The following ZNF629 variants were observed in gnomAD, a reference collection of about 807,000 sequenced individuals.
ZNF629 encodes DNA-binding protein.
Under a neutral mutation model 59.7 loss-of-function variants are expected in ZNF629, and 9 were observed. The observed-to-expected ratio is 0.15, with a 90% CI of 0.09 to 0.26. The LOEUF (loss-of-function observed/expected upper bound fraction) is 0.26, where lower values mean the gene tolerates loss of function less well. Ranked by LOEUF, ZNF629 falls within the 10% of genes least tolerant of loss-of-function variation. ZNF629 has a pLI of 1.00. For synonymous variants in ZNF629, 509 were observed against 498.9 expected (o/e 1.02, Z -0.27); for missense variants, 853 against 1,165.4 (o/e 0.73, Z 3.90).
Position 30,786,317 on chromosome 16 carries a change from C to T in ZNF629, c.-34+711G>A, listed in dbSNP as rs1014801563. Among the ~76,000 whole-genome samples, 5 of 152,154 alleles carry T rather than the reference C, an allele frequency of 3.3e-5. No individual in the cohort carries two copies. Among genetic ancestry groups the T allele is most frequent in the Admixed American group, 2.6e-4 (4 of 15,278 alleles). On this transcript the variant is annotated intron_variant, in intron 1 of 2. Coordinates refer to ENST00000262525, the MANE Select transcript of ZNF629 (RefSeq NM_001080417.3). The surrounding 1 kb of genome is among the most constrained non-coding windows in gnomAD (Gnocchi z 4.8). ...CCTGATGTCCGGTCCGGGAAGGATG[C>T]CCTGCTGTGTTTGCTCGGGACAGGT...
rs982324424 is a variant in ZNF629 at position 30,786,830 on chromosome 16, C to G, written c.-34+198G>C. Among the ~76,000 whole-genome samples, 15 of 152,006 alleles carry G rather than the reference C, an allele frequency of 9.9e-5. No individual in the cohort carries two copies. The highest frequency in any genetic ancestry group is 3.4e-4 in the African/African-American group (14 of 41,422). On this transcript the variant is annotated intron_variant, in intron 1 of 2. Transcript: ENST00000262525. The surrounding 1 kb of genome is among the most constrained non-coding windows in gnomAD (Gnocchi z 4.8). ...CCAGAATCCCCAGGCTCCCCTCCCC[C>G]GCCACCGACCCCCGCGCTTCCCAGA... is the stretch of plus-strand genomic sequence containing the variant.
In ZNF629 at chr16:30,781,569, TA is replaced by T; in HGVS notation, c.*148del. On this transcript the variant is annotated 3_prime_UTR_variant, in exon 3 of 3. Coordinates refer to ENST00000262525, the MANE Select transcript of ZNF629 (RefSeq NM_001080417.3). ...TTTATAGGGTTTCTCATCACTGATG[TA>T]AAAGCACTATTTTTTCCCAGGGTTC... is the stretch of plus-strand genomic sequence containing the variant. 1 of 728,488 alleles carries T rather than the reference TA, an allele frequency of 1.4e-6. No individual in the cohort carries two copies. The highest frequency in any genetic ancestry group is 2.0e-6 in the Non-Finnish European group (1 of 497,658). The allele number at this position is 728,488 out of a possible 1,614,324, so 45.1% of individuals were successfully genotyped here.
chr16:30,783,922 G>C lies in ZNF629; in HGVS notation c.406C>G (p.Arg136Gly), dbSNP rs753951430. ...GCCGGGCGGCCCTGCACCAGCTCCC[G>C]CAGGCTGGGCTCGTTGGCGGGGACG... is the stretch of plus-strand genomic sequence containing the variant. ...PVVPANEPSL[R>G]ELVQGRPAGA... is the part of the protein sequence containing the mutation. Residue 136 changes from arginine to glycine, a missense_variant, in exon 3 of 3, where the codon CGG becomes GGG. By Grantham distance (125) the Arg-to-Gly change is moderately radical. Coordinates refer to ENST00000262525, the MANE Select transcript of ZNF629 (RefSeq NM_001080417.3). 6.3e-7 allele frequency: 1 copy of C among 1,593,834 alleles called. No homozygotes were observed. The highest frequency in any genetic ancestry group is 1.7e-5 in the Admixed American group (1 of 57,914).
Position 30,782,189 on chromosome 16 carries a change from G to A in ZNF629, c.2139C>T (p.Pro713=), listed in dbSNP as rs1322776993. The part of the protein sequence containing the change: ...AGPSPFLSGK[P]FKCPECKQSF... Reference sequence around the variant, plus strand: ...TTTGTTTGCATTCAGGGCATTTAAAGGGCTTCCCACTTAAGAAGGGGCTGG... The same window carrying A: ...TTTGTTTGCATTCAGGGCATTTAAAAGGCTTCCCACTTAAGAAGGGGCTGG... Residue 713 remains proline (P), a synonymous_variant, in exon 3 of 3, where the codon CCC becomes CCT. Coordinates refer to ENST00000262525, the MANE Select transcript of ZNF629 (RefSeq NM_001080417.3). The A allele has an allele frequency of 6.2e-7, 1 of 1,613,458 alleles. No individual in the cohort carries two copies. The highest frequency in any genetic ancestry group is 2.2e-5 in the East Asian group (1 of 44,886).
Position 30,783,165 on chromosome 16 carries a change from G to A in ZNF629, c.1163C>T (p.Thr388Met). ...GTGCGTGCGCTGGTGCCGCAGCAAC[G>A]TGGCGCTCAGGGTGAAGGTCTTGCC... Reference protein sequence around the residue: ...VCGKTFTLSATLLRHQRTHTG... With the variant: ...VCGKTFTLSAMLLRHQRTHTG... Residue 388 changes from threonine to methionine, a missense_variant, in exon 3 of 3, where the codon ACG becomes ATG. Physicochemically the swap from Thr to Met is moderately conservative, Grantham distance 81 (BLOSUM62 -1). Transcript: ENST00000262525. 1.9e-6 allele frequency: 3 copies of A among 1,595,854 alleles called. No homozygotes were observed. Among genetic ancestry groups the A allele is most frequent in the Non-Finnish European group, 2.6e-6 (3 of 1,172,070 alleles).
rs368493135 is a variant in ZNF629 at position 30,782,422 on chromosome 16, C to A, written c.1906G>T (p.Ala636Ser). 6.4e-6 allele frequency: 10 copies of A among 1,566,214 alleles called. No individual in the cohort carries two copies. Among genetic ancestry groups the A allele is most frequent in the Non-Finnish European group, 8.7e-6 (10 of 1,155,246 alleles). ...GGCGGCTTAAGGGGCTGTCCGGGGG[C>A]CTCCGCTCTGCCCTCCGCAGCCCCG... ...YPGAAEGRAE[A>S]PGQPLKPPEG... Residue 636 changes from alanine to serine, a missense_variant, in exon 3 of 3, where the codon GCC (alanine) becomes TCC (serine). Ala to Ser is a moderately conservative substitution (Grantham distance 99, BLOSUM62 1). Coordinates refer to ENST00000262525, the MANE Select transcript of ZNF629 (RefSeq NM_001080417.3).
Position 30,783,303 on chromosome 16 carries a change from C to T in ZNF629, c.1025G>A (p.Gly342Asp). Residue 342 changes from glycine to aspartate, a missense_variant, in exon 3 of 3, where the codon GGC becomes GAC. Physicochemically the swap from Gly to Asp is moderately conservative, Grantham distance 94. Coordinates refer to ENST00000262525, the MANE Select transcript of ZNF629 (RefSeq NM_001080417.3). ...ELTQHQRTHT[G>D]EKPYECLECG... ...CTCTAGGCACTCGTAGGGCTTCTCGCCTGTGTGCGTGCGCTGGTGCTGGGT... is the reference window on the plus strand; with the variant it reads ...CTCTAGGCACTCGTAGGGCTTCTCGTCTGTGTGCGTGCGCTGGTGCTGGGT... 1 of 1,614,150 alleles carries T rather than the reference C, an allele frequency of 6.2e-7. No individual in the cohort carries two copies. The highest frequency in any genetic ancestry group is 8.5e-7 in the Non-Finnish European group (1 of 1,180,018).
chr16:30,785,443 C>G (rs768844287), intron 1 of ZNF629, among the ~76,000 whole-genome samples: 4 of 152,120 alleles, frequency 2.6e-5, no homozygotes, highest in Non-Finnish European at 4.4e-5. Context: ...GACTCATGCT[C>G]ATGGGAGGCT....
rs1190331185 is a variant in ZNF629, at chr16:30,780,480, T to C, written c.*1238A>G. Reference sequence around the variant, plus strand: ...GAGGCCCACACGCAGGCCCTAAGTCTCTGAAGGGCTTTATTCTTTGGAGGT... The same window carrying C: ...GAGGCCCACACGCAGGCCCTAAGTCCCTGAAGGGCTTTATTCTTTGGAGGT... On this transcript the variant is annotated 3_prime_UTR_variant, in exon 3 of 3. Transcript: ENST00000262525. The C allele has an allele frequency of 6.6e-6, 1 of 152,642 alleles. No individual in the cohort carries two copies. The highest frequency in any genetic ancestry group is 6.5e-5 in the Admixed American group (1 of 15,288). 9.5% of individuals were successfully genotyped at this position (152,642 alleles called of 1,614,324 possible). A position where few individuals can be genotyped will look rare whatever the true frequency, so the allele number is the denominator to read the frequency against.
At position 30,784,183 on chromosome 16, in the gene ZNF629, G is replaced by T; in HGVS notation, c.145C>A (p.Pro49Thr). 6.2e-7 allele frequency: 1 copy of T among 1,609,406 alleles called. No individual in the cohort carries two copies. The highest frequency in any genetic ancestry group is 1.1e-5 in the South Asian group (1 of 90,454). The stretch of plus-strand genomic sequence containing the variant: ...TCCTTGGATTCTGGACTCTGAGCCG[G>T]GTCTCCCATGATGATCTCCTCCCCA... Reference protein sequence around the residue: ...SSGEEIIMGDPAQSPESKDST... With the variant: ...SSGEEIIMGDTAQSPESKDST... The change falls in exon 3 of 3, where the codon CCG (proline) becomes ACG (threonine). Residue 49 changes from proline (P) to threonine (T), a missense_variant. Coordinates refer to ENST00000262525, the MANE Select transcript of ZNF629 (RefSeq NM_001080417.3).
chr16:30,783,558 G>A lies in ZNF629; in HGVS notation c.770C>T (p.Thr257Ile). The stretch of plus-strand genomic sequence containing the variant: ...GCCGCACTTGTAGGGCTTCTCGCCG[G>A]TGTGGGATCGCTGGTGCTTGATGAG... The part of the protein sequence containing the change: ...TNLIKHQRSH[T>I]GEKPYKCGEC... Residue 257 changes from threonine (T) to isoleucine (I), a missense_variant, in exon 3 of 3, where the codon ACC becomes ATC. By Grantham distance (89) the Thr-to-Ile change is moderately conservative. This residue lies in a region of ZNF629 where 201 missense variants were observed against 536.5 expected (regional missense o/e 0.37). Coordinates refer to ENST00000262525, the MANE Select transcript of ZNF629 (RefSeq NM_001080417.3). 5 of 1,613,460 alleles carry A rather than the reference G, an allele frequency of 3.1e-6. No individual in the cohort carries two copies. Among genetic ancestry groups the A allele is most frequent in the Non-Finnish European group, 4.2e-6 (5 of 1,179,842 alleles).
At position 30,784,038 on chromosome 16, in the gene ZNF629, G is replaced by A; in HGVS notation, c.290C>T (p.Pro97Leu). 2 of 1,579,482 alleles carry A rather than the reference G, an allele frequency of 1.3e-6. No homozygotes were observed. The highest frequency in any genetic ancestry group is 1.7e-6 in the Non-Finnish European group (2 of 1,164,622). ...GTCAGATGGGGTAGGGACTACCTCCGGGGCTGGGGGGTCCAGGGGGATCTG... is the reference window on the plus strand; with the variant it reads ...GTCAGATGGGGTAGGGACTACCTCCAGGGCTGGGGGGTCCAGGGGGATCTG... Reference protein sequence around the residue: ...DHQIPLDPPAPEVVPTPSDWT... With the variant: ...DHQIPLDPPALEVVPTPSDWT... The change falls in exon 3 of 3, where the codon CCG (proline) becomes CTG (leucine). Residue 97 changes from proline to leucine, a missense_variant. By Grantham distance (98) the Pro-to-Leu change is moderately conservative. Coordinates refer to ENST00000262525, the MANE Select transcript of ZNF629 (RefSeq NM_001080417.3).
intron 2 of ZNF629, 25 bp downstream of exon 2, chr16:30,784,385 C>T (rs746586581): frequency 6.4e-6 from 10 of 1,553,246 alleles, no homozygotes; most frequent in South Asian, 1.2e-5. Flanking sequence ...TTGCCGGGAC[C>T]GCAGCCCCTT....
Position 30,783,104 on chromosome 16 carries a change from G to A in ZNF629, c.1224C>T (p.Gly408=). ...GGTTGGAGCTGACGCTGAAGCTCTT[G>A]CCGCACTCTGGGCACTTGTAGGGCC... is the stretch of plus-strand genomic sequence containing the variant. ...GERPYKCPEC[G]KSFSVSSNLI... Residue 408 remains glycine, a synonymous_variant, in exon 3 of 3, where the codon GGC becomes GGT. Coordinates refer to ENST00000262525, the MANE Select transcript of ZNF629 (RefSeq NM_001080417.3). The A allele has an allele frequency of 6.2e-7, 1 of 1,613,960 alleles. No individual in the cohort carries two copies. The highest frequency in any genetic ancestry group is 1.1e-5 in the South Asian group (1 of 91,074).
Position 30,781,625 on chromosome 16 carries a change from G to A in ZNF629, c.*93C>T. 7.7e-7 allele frequency: 1 copy of A among 1,290,536 alleles called. No individual in the cohort carries two copies. The highest frequency in any genetic ancestry group is 2.8e-5 in the East Asian group (1 of 35,484). The allele number at this position is 1,290,536 out of a possible 1,614,324, so 79.9% of individuals were successfully genotyped here. On this transcript the variant is annotated 3_prime_UTR_variant, in exon 3 of 3. Transcript: ENST00000262525. ...TCCTCCACTCCACTACCATCTGATA[G>A]GGTTATCCTCCCTTCCCCATGTAAT...
chr16:30,782,621 G>A lies in ZNF629; in HGVS notation c.1707C>T (p.His569=). 1 of 1,569,402 alleles carries A rather than the reference G, an allele frequency of 6.4e-7. No homozygotes were observed. Among genetic ancestry groups the A allele is most frequent in the Non-Finnish European group, 8.6e-7 (1 of 1,156,916 alleles). The part of the protein sequence containing the change: ...LLTPPPGAKP[H]KCLVCGKGFN... ...AGCCCTTTCCGCACACGAGACACTT[G>A]TGCGGCTTGGCTCCCGGCGGCGGGG... The change falls in exon 3 of 3, where the codon CAC becomes CAT. Residue 569 remains histidine, a synonymous_variant. Coordinates refer to ENST00000262525, the MANE Select transcript of ZNF629 (RefSeq NM_001080417.3).
Position 30,784,053 on chromosome 16 carries a change from A to C in ZNF629, c.275T>G (p.Leu92Arg). ...HSNPLDHQIP[L>R]DPPAPEVVPT... The stretch of plus-strand genomic sequence containing the variant: ...GACTACCTCCGGGGCTGGGGGGTCC[A>C]GGGGGATCTGGTGGTCCAAGGGATT... The change falls in exon 3 of 3, where the codon CTG (leucine) becomes CGG (arginine). Residue 92 changes from leucine to arginine, a missense_variant. By Grantham distance (102) the Leu-to-Arg change is moderately radical (BLOSUM62 -2). Coordinates refer to ENST00000262525, the MANE Select transcript of ZNF629 (RefSeq NM_001080417.3). 2 of 1,426,110 alleles carry C rather than the reference A, an allele frequency of 1.4e-6. No homozygotes were observed. Among genetic ancestry groups the C allele is most frequent in the Non-Finnish European group, 1.9e-6 (2 of 1,072,930 alleles). 88.3% of individuals were successfully genotyped at this position (1,426,110 alleles called of 1,614,324 possible).
In ZNF629 at chr16:30,778,573, C is replaced by T. The variant is rs954765334; in HGVS notation, c.*3145G>A. 1.3e-5 allele frequency: 2 copies of T among 152,708 alleles called. No individual in the cohort carries two copies. The highest frequency in any genetic ancestry group is 6.5e-5 in the Admixed American group (1 of 15,276). 9.5% of individuals were successfully genotyped at this position (152,708 alleles called of 1,614,324 possible). ...TCTCTTCACTCCATGGGGACAAGTC[C>T]GGTGACTGGGGCTTCCCTAGTGAGG... On this transcript the variant is annotated 3_prime_UTR_variant, in exon 3 of 3. Transcript: ENST00000262525.
chr16:30,785,857 G>GT, intron 1 of ZNF629, among the ~76,000 whole-genome samples: 1 of 12,822 alleles, frequency 7.8e-5, no homozygotes, highest in Non-Finnish European at 2.5e-4. Flanking sequence ...TGGCCCCCTG[G>GT]TAAAATAAAT....
Sources: gnomAD v4.1 joint callset for allele counts (sites outside exome capture counted in the v4.1 genomes callset) on GRCh38, gnomAD v4.1.1 for gene constraint, gnomAD v4.1.1 regional missense constraint, Gnocchi (gnomAD v3.1) non-coding constraint, MANE v1.5 for transcripts, NCBI Gene and HGNC (gene_info 2026-07-23, HGNC 2026-07-21) for gene names.